The following VPS13B variants were observed in gnomAD, a reference collection of about 807,000 sequenced individuals.
The protein encoded by VPS13B is intermembrane lipid transfer protein VPS13B.
In VPS13B, 285 loss-of-function variants were observed where a neutral mutation model predicts 426.4. That is an observed-to-expected ratio of 0.67 (90% CI 0.61 to 0.74). The LOEUF is 0.74. Ranked by LOEUF, VPS13B falls within the 30% of genes least tolerant of loss-of-function variation. VPS13B has a pLI of 0.00. For synonymous variants in VPS13B, 1,676 were observed against 1,676.4 expected (o/e 1.00, Z 0.01); for missense variants, 4,537 against 4,782.6 (o/e 0.95, Z 1.51).
At chr8:99,378,107 G>A (rs942349299) in intron 19 of VPS13B, among the ~76,000 whole-genome samples, 17 of 138,382 alleles carry the variant, frequency 1.2e-4, no homozygotes, top group South Asian at 4.6e-4. Flanking sequence ...TGCATAAGGC[G>A]GACACCCCCA....
chr8:99,685,672 A>G (rs1329774947), intron 35 of VPS13B, among the ~76,000 whole-genome samples: 1 of 151,752 alleles, frequency 6.6e-6, no homozygotes, highest in African/African-American at 2.4e-5. Context: ...GCATTTTTCA[A>G]CTCCAGAATT....
intron 19 of VPS13B, among the ~76,000 whole-genome samples, chr8:99,374,255 ATTC>A (rs1813350397): frequency 6.8e-6 from 1 of 146,074 alleles, no homozygotes; most frequent in African/African-American, 2.5e-5. Flanking sequence ...CTTTTTATTT[ATTC>A]TTCTTGGGGT....
intron 3 of VPS13B, among the ~76,000 whole-genome samples, chr8:99,044,119 T>A (rs1843097682): frequency 7.1e-6 from 1 of 139,938 alleles, no homozygotes; most frequent in Non-Finnish European, 1.5e-5. Context: ...GAGTCTGCTC[T>A]GTTGCCCAGG....
intron 6 of VPS13B, 44 bp from the exon 7 acceptor site, chr8:99,115,656 T>C (rs766738538): frequency 6.3e-7 from 1 of 1,594,132 alleles, no homozygotes; most frequent in Non-Finnish European, 8.6e-7. Flanking sequence ...AAATACTCTT[T>C]TTAAACATGC....
intron 3 of VPS13B, among the ~76,000 whole-genome samples, chr8:99,066,458 G>A (rs1332621501): frequency 6.6e-6 from 1 of 152,180 alleles, no homozygotes; most frequent in South Asian, 2.1e-4. Flanking sequence ...TATGTAGAAA[G>A]CTGAAACTGG....
At chr8:99,272,340 AC>A (rs2132986878) in intron 17 of VPS13B, among the ~76,000 whole-genome samples, 1 of 152,306 alleles carries the variant, frequency 6.6e-6, no homozygotes, top group African/African-American at 2.4e-5. Context: ...TCACATAGCA[AC>A]TGTTGTCCTC....
intron 43 of VPS13B, among the ~76,000 whole-genome samples, chr8:99,803,386 G>A (rs533925949): frequency 2.0e-5 from 3 of 152,280 alleles, no homozygotes; most frequent in South Asian, 2.1e-4. Flanking sequence ...CTTATATCAC[G>A]ACAATGCAGC....
At chr8:99,044,040 C>G (rs1231330558) in intron 3 of VPS13B, among the ~76,000 whole-genome samples, 1 of 143,282 alleles carries the variant, frequency 7.0e-6, no homozygotes, top group Non-Finnish European at 1.5e-5. Context: ...AGCTTCTTTT[C>G]TTTTCTTTAT....
chr8:99,472,511 T>TA (rs139058403), intron 24 of VPS13B, among the ~76,000 whole-genome samples: 26,864 of 150,094 alleles, frequency 0.18, 2,844 homozygotes, highest in East Asian at 0.39. Context: ...TGAATGACAC[T>TA]AAAAAAAAAC....
chr8:99,627,272 T>C (rs1354645753), intron 33 of VPS13B, among the ~76,000 whole-genome samples: 1 of 151,992 alleles, frequency 6.6e-6, no homozygotes, highest in Non-Finnish European at 1.5e-5. Flanking sequence ...ATTTCAAATG[T>C]ATCACCATAA....
chr8:99,638,045 G>C (rs1438902431), intron 33 of VPS13B, among the ~76,000 whole-genome samples: 1 of 152,016 alleles, frequency 6.6e-6, no homozygotes, highest in East Asian at 1.9e-4. Context: ...AGAATTCCTA[G>C]TTGGTAATAT....
At chr8:99,032,762 G>T (rs113459679) in intron 2 of VPS13B, among the ~76,000 whole-genome samples, 2 of 150,686 alleles carry the variant, frequency 1.3e-5, no homozygotes, top group Non-Finnish European at 3.0e-5. Flanking sequence ...GGATGGTCTC[G>T]ATCTCCTGAC....
chr8:99,787,260 A>G (rs1402668609), intron 43 of VPS13B, among the ~76,000 whole-genome samples: 1 of 152,082 alleles, frequency 6.6e-6, no homozygotes, highest in African/African-American at 2.4e-5. Flanking sequence ...TGCTAACAAC[A>G]GTAAGTCCCA....
intron 33 of VPS13B, among the ~76,000 whole-genome samples, chr8:99,590,562 C>T (rs1421845140): frequency 6.6e-6 from 1 of 152,148 alleles, no homozygotes; most frequent in Non-Finnish European, 1.5e-5. Context: ...TTTCAAAGAA[C>T]ATCTTTATTT....
chr8:99,818,997 G>T, intron 47 of VPS13B, 109 bp downstream of exon 47: 1 of 976,948 alleles, frequency 1.0e-6, no homozygotes, highest in Non-Finnish European at 1.6e-6. Context: ...GGAGATGGGA[G>T]TGGAGGGAGT....
At chr8:99,015,010 C>T (rs1841538367) in intron 2 of VPS13B, among the ~76,000 whole-genome samples, 1 of 151,990 alleles carries the variant, frequency 6.6e-6, no homozygotes, top group Non-Finnish European at 1.5e-5. Context: ...CTTAATCTGA[C>T]AGTGATGGTT....
At chr8:99,234,530 A>G (rs1816533656) in intron 17 of VPS13B, 1 of 473,642 alleles carries the variant, frequency 2.1e-6, no homozygotes, top group Non-Finnish European at 4.2e-6. Flanking sequence ...GTTGGGGTTC[A>G]GGGGCCGCAG....
At chr8:99,145,861 TTA>T (rs371582685) in intron 13 of VPS13B, among the ~76,000 whole-genome samples, 184 of 152,370 alleles carry the variant, frequency 1.2e-3, no homozygotes, top group African/African-American at 3.7e-3. Context: ...ATTATTTTTT[TTA>T]AAGAAACTAC....
In VPS13B at chr8:99,111,243, T is replaced by G. The variant is rs1847348400; in HGVS notation, c.726T>G (p.Tyr242Ter). 6.2e-7 allele frequency: 1 copy of G among 1,603,844 alleles called. No homozygotes were observed. The highest frequency in any genetic ancestry group is 8.5e-7 in the Non-Finnish European group (1 of 1,176,174). The change falls in exon 6 of 62, where the codon TAT becomes TAG. Residue 242 changes from tyrosine (Y) to a stop codon, truncating the protein, a stop_gained. Transcript: ENST00000357162. LOFTEE classifies it high-confidence loss of function. ...CSFRTRLHFT[Y>*]ENLNSKMPSV... Reference sequence around the variant, plus strand: ...TCAGAACTCGTCTTCATTTTACATATGAAAACCTAAATTCCAAGATGCCAT... The same window carrying G: ...TCAGAACTCGTCTTCATTTTACATAGGAAAACCTAAATTCCAAGATGCCAT...
Sources: gnomAD v4.1 joint callset for allele counts (sites outside exome capture counted in the v4.1 genomes callset) on GRCh38, gnomAD v4.1.1 for gene constraint, MANE v1.5 for transcripts, NCBI Gene and HGNC (gene_info 2026-07-23, HGNC 2026-07-21) for gene names.